The following ANKS3 variants were observed in gnomAD, a reference collection of about 807,000 sequenced individuals.
The protein encoded by ANKS3 is ankyrin repeat and sterile alpha motif domain containing 3.
A neutral mutation model predicts 80.7 loss-of-function variants in ANKS3; 62 were observed. The observed-to-expected ratio is 0.77, with a 90% CI of 0.63 to 0.95. The LOEUF (loss-of-function observed/expected upper bound fraction) is 0.95. ANKS3 is among the 40% of genes least tolerant of loss of function. ANKS3 has a pLI of 0.00. For missense variants in ANKS3, 1,150 were observed against 883.6 expected (o/e 1.30, Z -3.82); for synonymous variants, 489 against 355.3 (o/e 1.38, Z -4.23).
In ANKS3 at chr16:4,733,950, T is replaced by C. The variant is rs2081809723; in HGVS notation, c.-83A>G. On this transcript the variant is annotated 5_prime_UTR_variant, in exon 1 of 18. Coordinates refer to ENST00000304283, the MANE Select transcript of ANKS3 (RefSeq NM_133450.4). ...ACCCGTAACTCACAGCAGTGACGCTTCCCGACGCCCCCCGGCCACATCCCC... is the reference window on the plus strand; with the variant it reads ...ACCCGTAACTCACAGCAGTGACGCTCCCCGACGCCCCCCGGCCACATCCCC... The C allele has an allele frequency of 2.0e-6, 2 of 985,290 alleles. No individual in the cohort carries two copies. Among genetic ancestry groups the C allele is most frequent in the Non-Finnish European group, 2.4e-6 (2 of 829,970 alleles). The allele number at this position is 985,290 out of a possible 1,614,324, so 61.0% of individuals were successfully genotyped here.
intron 6 of ANKS3, among the ~76,000 whole-genome samples, chr16:4,714,974 G>C (rs1022057140): frequency 3.6e-5 from 4 of 109,644 alleles, no homozygotes; most frequent in Non-Finnish European, 6.7e-5. Flanking sequence ...CCTGAAGACA[G>C]AGTGAGACTC....
intron 9 of ANKS3, 100 bp from the exon 10 acceptor site, chr16:4,701,643 G>A: frequency 1.0e-6 from 1 of 998,604 alleles, no homozygotes; most frequent in Non-Finnish European, 1.4e-6. Context: ...CACTCCTTGG[G>A]GCCTGCAGCG....
intron 6 of ANKS3, among the ~76,000 whole-genome samples, chr16:4,721,553 G>T (rs1489240448): frequency 2.0e-5 from 3 of 151,450 alleles, no homozygotes; most frequent in Non-Finnish European, 4.4e-5. Context: ...CAAGGCTGCA[G>T]TGAGCTGAGA....
At chr16:4,714,521 G>A (rs1405306203) in intron 6 of ANKS3, among the ~76,000 whole-genome samples, 1 of 152,246 alleles carries the variant, frequency 6.6e-6, no homozygotes, top group African/African-American at 2.4e-5. Context: ...CACTTCGCTT[G>A]TCTTCAAAGA....
chr16:4,701,791 G>C, intron 9 of ANKS3: 1 of 507,244 alleles, frequency 2.0e-6, no homozygotes, highest in Non-Finnish European at 3.5e-6. Context: ...GGGCACTATG[G>C]AAACAGCTGC....
At chr16:4,698,631 G>C in intron 13 of ANKS3, 32 bp from the exon 14 acceptor site, 1 of 1,536,226 alleles carries the variant, frequency 6.5e-7, no homozygotes, top group Non-Finnish European at 8.7e-7. Context: ...GGGGAGGCTG[G>C]GAGGTGGCCG....
At position 4,721,921 on chromosome 16, in the gene ANKS3, A is replaced by T. The variant is rs535831135; in HGVS notation, c.573+2829T>A. On this transcript the variant is annotated intron_variant, in intron 6 of 17. Transcript: ENST00000304283. ...AAAGTGCTGGGATTACAGGAGCGAGACAATGCACCTGGCCCCGTCTCTTTA... is the reference window on the plus strand; with the variant it reads ...AAAGTGCTGGGATTACAGGAGCGAGTCAATGCACCTGGCCCCGTCTCTTTA... 5.9e-3 allele frequency among the ~76,000 whole-genome samples: 897 copies of T among 151,396 alleles called. 17 individuals carry two copies. The highest frequency in any genetic ancestry group is 0.021 in the African/African-American group (861 of 41,466).
At chr16:4,697,139 G>C in intron 16 of ANKS3, 35 bp from the exon 17 acceptor site, 5 of 1,604,226 alleles carry the variant, frequency 3.1e-6, no homozygotes, top group Non-Finnish European at 4.3e-6. Flanking sequence ...CTCCCGGCCA[G>C]GCTCAGGAGG....
chr16:4,707,083 G>A (rs28658517), intron 7 of ANKS3, among the ~76,000 whole-genome samples: 12 of 152,072 alleles, frequency 7.9e-5, no homozygotes, highest in Non-Finnish European at 1.5e-4. Flanking sequence ...CAAGCTGAAG[G>A]GGAGGGAGCT....
chr16:4,732,712 A>G (rs1001335020), intron 1 of ANKS3, among the ~76,000 whole-genome samples: 4 of 150,760 alleles, frequency 2.7e-5, no homozygotes, highest in Non-Finnish European at 5.9e-5. Flanking sequence ...ACTAAAGTGA[A>G]AACTAAAATG....
rs963896555 is a variant in ANKS3, at chr16:4,696,722, C to T, written c.*186G>A. 17 of 479,698 alleles carry T rather than the reference C, an allele frequency of 3.5e-5. No individual in the cohort carries two copies. Among genetic ancestry groups the T allele is most frequent in the Non-Finnish European group, 6.1e-5 (16 of 260,960 alleles). The allele number at this position is 479,698 out of a possible 1,614,324, so 29.7% of individuals were successfully genotyped here. On this transcript the variant is annotated 3_prime_UTR_variant, in exon 18 of 18. Coordinates refer to ENST00000304283, the MANE Select transcript of ANKS3 (RefSeq NM_133450.4). The stretch of plus-strand genomic sequence containing the variant: ...CCCTCGTCCCGCCTCAGTGCTGGCC[C>T]GAGCTGCCGAGCCAGGGCCGCAGCC...
chr16:4,716,993 A>G (rs1367435343), intron 6 of ANKS3, among the ~76,000 whole-genome samples: 1 of 152,116 alleles, frequency 6.6e-6, no homozygotes, highest in Non-Finnish European at 1.5e-5. Context: ...GCACTTTGGT[A>G]GGCCGAGACG....
chr16:4,727,514 G>T, intron 3 of ANKS3: 1 of 373,580 alleles, frequency 2.7e-6, no homozygotes, highest in South Asian at 2.4e-5. Flanking sequence ...TCTCACAACT[G>T]GGCAGGGAAG....
chr16:4,712,737 T>G (rs1157165789), intron 7 of ANKS3, among the ~76,000 whole-genome samples: 1 of 152,136 alleles, frequency 6.6e-6, no homozygotes, highest in Non-Finnish European at 1.5e-5. Context: ...TCCACTAAGA[T>G]CAGGACCAAG....
In ANKS3 at chr16:4,698,780, T is replaced by G. The variant is rs775315884; in HGVS notation, c.1551+20A>C. ...TCACGGGTGTCACCCTGCCCCCCCA[T>G]CCCCCACCCAGCCACTCACCTTGTG... On this transcript the variant is annotated intron_variant, in intron 13 of 17. Coordinates refer to ENST00000304283, the MANE Select transcript of ANKS3 (RefSeq NM_133450.4). 1 of 1,476,586 alleles carries G rather than the reference T, an allele frequency of 6.8e-7. No homozygotes were observed. 91.5% of individuals were successfully genotyped at this position (1,476,586 alleles called of 1,614,324 possible).
At chr16:4,731,784 T>C (rs1480662377) in intron 1 of ANKS3, among the ~76,000 whole-genome samples, 1 of 152,004 alleles carries the variant, frequency 6.6e-6, no homozygotes, top group Non-Finnish European at 1.5e-5. Flanking sequence ...GGGGGAAATA[T>C]AACAGGCCGG....
At chr16:4,703,468 T>A (rs2080026786) in intron 8 of ANKS3, among the ~76,000 whole-genome samples, 1 of 145,946 alleles carries the variant, frequency 6.9e-6, no homozygotes, top group Non-Finnish European at 1.5e-5. Context: ...GTCACCAGAC[T>A]GGAGTGCAGT....
intron 6 of ANKS3, among the ~76,000 whole-genome samples, chr16:4,719,304 C>T (rs939469619): frequency 6.6e-6 from 1 of 152,214 alleles, no homozygotes; most frequent in Non-Finnish European, 1.5e-5. Flanking sequence ...TGTGCTCCAG[C>T]ATGGGCAAAC....
At chr16:4,698,147 G>A (rs1388132097) in intron 14 of ANKS3, 85 bp from the exon 15 acceptor site, 3 of 1,440,256 alleles carry the variant, frequency 2.1e-6, no homozygotes, top group Non-Finnish European at 2.9e-6. Flanking sequence ...GGGGAGGGAG[G>A]GGCTCAGCCC....
Sources: gnomAD v4.1 joint callset for allele counts (sites outside exome capture counted in the v4.1 genomes callset) on GRCh38, gnomAD v4.1.1 for gene constraint, MANE v1.5 for transcripts, NCBI Gene and HGNC (gene_info 2026-07-23, HGNC 2026-07-21) for gene names.